Variants in DIP2C observed in about 807,000 individuals in gnomAD.
The protein encoded by DIP2C is DIP2 acetate--CoA ligase C (putative).
In DIP2C, 33 loss-of-function variants were observed where a neutral mutation model predicts 192.4. That is an observed-to-expected ratio of 0.17 (90% CI 0.13 to 0.23). The LOEUF is 0.23. Among genes scored for constraint, DIP2C ranks in the 10% least tolerant of loss-of-function variants. The probability of loss-of-function intolerance (pLI) is 1.00; values close to 1 mark genes in which losing one functional copy is unlikely to be tolerated. For missense variants in DIP2C, 1,537 were observed against 2,110.1 expected (o/e 0.73, Z 5.32); for synonymous variants, 979 against 864.1 (o/e 1.13, Z -2.33).
At chr10:562,208 T>G (rs1849257288) in intron 1 of DIP2C, among the ~76,000 whole-genome samples, 2 of 152,208 alleles carry the variant, frequency 1.3e-5, no homozygotes, top group African/African-American at 4.8e-5. Flanking sequence ...CATCTGATGT[T>G]TAACACACAC....
chr10:617,821 G>GC (rs35841938), intron 1 of DIP2C, among the ~76,000 whole-genome samples: 4,894 of 152,044 alleles, frequency 0.032, 128 homozygotes, highest in East Asian at 0.13. Context: ...GTGGGTAACC[G>GC]CCCCCCCAGC....
intron 1 of DIP2C, among the ~76,000 whole-genome samples, chr10:603,455 A>AGG (rs1852242248): frequency 6.6e-6 from 1 of 152,094 alleles, no homozygotes; most frequent in African/African-American, 2.4e-5. Flanking sequence ...TGAAGTTTTA[A>AGG]TCCTAACACG....
chr10:476,882 G>A lies in DIP2C; in HGVS notation c.158-4333C>T, dbSNP rs750807698. 3.8e-4 allele frequency among the ~76,000 whole-genome samples: 58 copies of A among 151,960 alleles called. 1 individual carries two copies. Among genetic ancestry groups the A allele is most frequent in the Non-Finnish European group, 6.3e-4 (43 of 68,012 alleles). On this transcript the variant is annotated intron_variant, in intron 2 of 36. Transcript: ENST00000280886. Reference sequence around the variant, plus strand: ...CAAGGAAAAGCTATCAAGGTCGCCCGAAAGGGGCATCTGTTGGGATCCTGG... The same window carrying A: ...CAAGGAAAAGCTATCAAGGTCGCCCAAAAGGGGCATCTGTTGGGATCCTGG...
At chr10:586,250 T>C (rs1851012773) in intron 1 of DIP2C, among the ~76,000 whole-genome samples, 1 of 152,252 alleles carries the variant, frequency 6.6e-6, no homozygotes, top group African/African-American at 2.4e-5. Context: ...ATGCTGAGAA[T>C]GGACGCAGCC....
intron 10 of DIP2C, among the ~76,000 whole-genome samples, chr10:394,487 G>T (rs1963793081): frequency 6.6e-6 from 1 of 151,624 alleles, no homozygotes; most frequent in Non-Finnish European, 1.5e-5. Flanking sequence ...GAACCGGAAG[G>T]ACATTATGCC....
chr10:317,945 C>T (rs570187878), intron 31 of DIP2C, among the ~76,000 whole-genome samples: 1 of 152,290 alleles, frequency 6.6e-6, no homozygotes. Context: ...GTGATGGAAC[C>T]AGAGAAAGAG....
intron 1 of DIP2C, among the ~76,000 whole-genome samples, chr10:683,441 A>G (rs1297612091): frequency 1.3e-5 from 2 of 152,206 alleles, no homozygotes; most frequent in Non-Finnish European, 2.9e-5. Flanking sequence ...CCTGCATGGC[A>G]CACACACAGA....
At position 674,771 on chromosome 10, in the gene DIP2C, A is replaced by AATATATATATATATATATAT. The variant is rs375454744; in HGVS notation, c.85+14722_85+14723insATATATATATATATATATAT. 2.9e-3 allele frequency among the ~76,000 whole-genome samples: 79 copies of AATATATATATATATATATAT among 27,678 alleles called. 3 individuals carry two copies. The highest frequency in any genetic ancestry group is 5.2e-3 in the Admixed American group (9 of 1,720). The allele number at this position is 27,678 out of a possible 152,430, so 18.2% of individuals were successfully genotyped here. On this transcript the variant is annotated intron_variant, in intron 1 of 36. Coordinates refer to ENST00000280886, the MANE Select transcript of DIP2C (RefSeq NM_014974.3). ...GCAACAAAAGCAAAACTCCATCTCA[A>AATATATATATATATATATAT]ATATATATATATATATATAGAGAGA...
chr10:634,024 G>A (rs1184391396), intron 1 of DIP2C, among the ~76,000 whole-genome samples: 1 of 152,196 alleles, frequency 6.6e-6, no homozygotes, highest in Non-Finnish European at 1.5e-5. Context: ...CCTCCAGCAG[G>A]CTGGCCGCCT....
At chr10:611,466 G>A (rs1853092804) in intron 1 of DIP2C, among the ~76,000 whole-genome samples, 1 of 152,148 alleles carries the variant, frequency 6.6e-6, no homozygotes, top group African/African-American at 2.4e-5. Context: ...CTTTGCCAGA[G>A]CACAGACTGT....
At chr10:667,741 T>TCATA (rs1857186071) in intron 1 of DIP2C, 1 of 150,082 alleles carries the variant, frequency 6.7e-6, no homozygotes, top group Admixed American at 6.6e-5. Flanking sequence ...TACAATGCAC[T>TCATA]CATACAGCAC....
At position 324,547 on chromosome 10, in the gene DIP2C, A is replaced by G. The variant is rs953705387; in HGVS notation, c.3924+2459T>C. On this transcript the variant is annotated intron_variant, in intron 31 of 36. Transcript: ENST00000280886. ...TGCAGACAAGGAAATGCTGACCGAA[A>G]GGAGTTAGGGATAGGTCAAGTAGAA... is the stretch of plus-strand genomic sequence containing the variant. 4 of 160,756 alleles carry G rather than the reference A, an allele frequency of 2.5e-5. No homozygotes were observed. The Admixed American group carries it at 2.5e-4, about 10-fold the overall frequency. The allele number at this position is 160,756 out of a possible 1,614,324, so 10.0% of individuals were successfully genotyped here. A position where few individuals can be genotyped will look rare whatever the true frequency, so the allele number is the denominator to read the frequency against.
chr10:578,733 T>C (rs1320531780), intron 1 of DIP2C, among the ~76,000 whole-genome samples: 1 of 152,046 alleles, frequency 6.6e-6, no homozygotes, highest in African/African-American at 2.4e-5. Flanking sequence ...AGGTACAGTG[T>C]AACATGTGTA....
intron 1 of DIP2C, among the ~76,000 whole-genome samples, chr10:626,560 T>G (rs935344407): frequency 6.6e-6 from 1 of 151,746 alleles, no homozygotes; most frequent in African/African-American, 2.4e-5. Context: ...CCTCCCTCAT[T>G]TTCCTGTTCA....
intron 30 of DIP2C, 111 bp downstream of exon 30, chr10:329,322 C>T: frequency 8.3e-7 from 1 of 1,206,782 alleles, no homozygotes; most frequent in Admixed American, 3.3e-5. Context: ...AGATTAAACC[C>T]AGGCTTTGTT....
intron 17 of DIP2C, among the ~76,000 whole-genome samples, chr10:376,271 A>C (rs941738228): frequency 4.3e-5 from 6 of 140,492 alleles, no homozygotes; most frequent in African/African-American, 1.7e-4. Context: ...GCCGGCAGGG[A>C]GAAGGACCCA....
chr10:473,905 T>C (rs566766213), intron 2 of DIP2C, among the ~76,000 whole-genome samples: 2 of 152,336 alleles, frequency 1.3e-5, no homozygotes, highest in South Asian at 2.1e-4. Flanking sequence ...CTTTTGATGG[T>C]GCGTGTGTGG....
intron 18 of DIP2C, among the ~76,000 whole-genome samples, 169 bp downstream of exon 18, chr10:369,321 CACTG>C (rs1960676485): frequency 6.6e-6 from 1 of 152,238 alleles, no homozygotes; most frequent in African/African-American, 2.4e-5. Flanking sequence ...GGAGAGGGAA[CACTG>C]CCTCAAATGT....
At chr10:577,823 GTTTT>G (rs35201000) in intron 1 of DIP2C, among the ~76,000 whole-genome samples, 5 of 143,882 alleles carry the variant, frequency 3.5e-5, no homozygotes, top group Admixed American at 6.9e-5. Flanking sequence ...GTTTTTTTGT[GTTTT>G]TTTTTTTTTA....
Sources: gnomAD v4.1 joint callset for allele counts (sites outside exome capture counted in the v4.1 genomes callset) on GRCh38, gnomAD v4.1.1 for gene constraint, MANE v1.5 for transcripts, NCBI Gene and HGNC (gene_info 2026-07-23, HGNC 2026-07-21) for gene names.